Variants in FCHSD2 observed in about 807,000 individuals in gnomAD.
FCHSD2 encodes the protein FCH and double SH3 domains 2.
In FCHSD2, 38 loss-of-function variants were observed where a neutral mutation model predicts 108.1. That is an observed-to-expected ratio of 0.35 (90% CI 0.27 to 0.46). FCHSD2 has a LOEUF of 0.46. FCHSD2 is among the 20% of genes least tolerant of loss of function. The pLI is 1.00. For missense variants in FCHSD2, 751 were observed against 897.8 expected (o/e 0.84, Z 2.09); for synonymous variants, 279 against 314.7 (o/e 0.89, Z 1.20).
rs111960308 is a variant in FCHSD2, at chr11:73,129,726, C to A, written c.119+10305G>T. Among the ~76,000 whole-genome samples, 1,033 of 152,216 alleles carry A rather than the reference C, an allele frequency of 6.8e-3. 5 individuals carry two copies. The highest frequency in any genetic ancestry group is 0.014 in the South Asian group (67 of 4,818). ...TGCACTTGAATCATCCCAAAACCAT[C>A]CCCCTGACCCCACCCGCAGTCCATG... On this transcript the variant is annotated intron_variant, in intron 2 of 19. Coordinates refer to ENST00000409418, the MANE Select transcript of FCHSD2 (RefSeq NM_014824.3).
intron 3 of FCHSD2, among the ~76,000 whole-genome samples, chr11:73,025,992 TTATGTATGTATGTATGTATGTATG>T (rs200477185): frequency 1.3e-5 from 2 of 149,406 alleles, no homozygotes; most frequent in African/African-American, 2.5e-5. Context: ...GAGATTCATT[TTATGTATGTATGTATGTATGTATG>T]TATGTATGTA....
intron 13 of FCHSD2, among the ~76,000 whole-genome samples, chr11:72,859,538 T>G (rs957719224): frequency 6.6e-6 from 1 of 152,196 alleles, no homozygotes; most frequent in African/African-American, 2.4e-5. Flanking sequence ...AAATTAGCTT[T>G]ATGATAGATA....
At chr11:73,074,394 C>A (rs1859501074) in intron 3 of FCHSD2, among the ~76,000 whole-genome samples, 1 of 152,088 alleles carries the variant, frequency 6.6e-6, no homozygotes, top group Admixed American at 6.6e-5. Flanking sequence ...AAATATGCTT[C>A]AACTGAATAT....
intron 3 of FCHSD2, among the ~76,000 whole-genome samples, chr11:73,074,472 T>C (rs1375559435): frequency 3.3e-5 from 5 of 152,046 alleles, no homozygotes; most frequent in African/African-American, 9.7e-5. Context: ...AGAAAGACCA[T>C]AGAACTAAAT....
chr11:72,848,551 T>C (rs189678401), intron 14 of FCHSD2, among the ~76,000 whole-genome samples: 288 of 152,362 alleles, frequency 1.9e-3, no homozygotes, highest in Non-Finnish European at 2.7e-3. Context: ...TAACCCTTCA[T>C]AGATTGTCCA....
intron 3 of FCHSD2, among the ~76,000 whole-genome samples, chr11:73,067,262 A>G (rs932938430): frequency 3.3e-5 from 5 of 152,128 alleles, no homozygotes; most frequent in African/African-American, 7.2e-5. Context: ...GTTCTCACTC[A>G]TAAGTGGGAG....
chr11:73,078,876 C>T (rs1003075199), intron 3 of FCHSD2, among the ~76,000 whole-genome samples: 1 of 152,060 alleles, frequency 6.6e-6, no homozygotes, highest in Non-Finnish European at 1.5e-5. Context: ...CGTCACCTCG[C>T]CTGGCTAATT....
chr11:73,131,963 A>G (rs1861014196), intron 2 of FCHSD2, among the ~76,000 whole-genome samples: 1 of 152,150 alleles, frequency 6.6e-6, no homozygotes, highest in African/African-American at 2.4e-5. Context: ...ATTTTTTTGA[A>G]TCAGTCACTG....
At chr11:73,083,849 A>G in intron 2 of FCHSD2, 109 bp from the exon 3 acceptor site, 6 of 731,618 alleles carry the variant, frequency 8.2e-6, no homozygotes, top group Non-Finnish European at 1.4e-5. Flanking sequence ...GAGGGAAAGG[A>G]CAATATTTTA....
At chr11:72,862,866 A>C (rs560334038) in intron 13 of FCHSD2, among the ~76,000 whole-genome samples, 4 of 152,352 alleles carry the variant, frequency 2.6e-5, no homozygotes, top group Non-Finnish European at 5.9e-5. Context: ...TACCGGCATC[A>C]AGCTGGACAA....
chr11:73,042,878 G>C (rs1858674313), intron 3 of FCHSD2, among the ~76,000 whole-genome samples: 1 of 151,974 alleles, frequency 6.6e-6, no homozygotes, highest in African/African-American at 2.4e-5. Context: ...ATATAGAAAT[G>C]CTACTGATTT....
intron 8 of FCHSD2, among the ~76,000 whole-genome samples, chr11:72,970,938 G>A (rs951515368): frequency 2.0e-5 from 3 of 152,108 alleles, no homozygotes; most frequent in Non-Finnish European, 4.4e-5. Context: ...TGACAGCCTC[G>A]GGAAGGTCTG....
chr11:73,141,901 C>T lies in FCHSD2; in HGVS notation c.-24G>A. On this transcript the variant is annotated 5_prime_UTR_variant, in exon 1 of 20. Transcript: ENST00000409418. ...ATGATGCTGAAGGGACATCAATCCTCCCCGACGGCAGCGTTAGCAAGGACC... is the reference window on the plus strand; with the variant it reads ...ATGATGCTGAAGGGACATCAATCCTTCCCGACGGCAGCGTTAGCAAGGACC... The T allele has an allele frequency of 6.5e-7, 1 of 1,541,392 alleles. No homozygotes were observed. Among genetic ancestry groups the T allele is most frequent in the Non-Finnish European group, 8.7e-7 (1 of 1,144,846 alleles).
intron 13 of FCHSD2, among the ~76,000 whole-genome samples, chr11:72,854,564 C>G (rs567904713): frequency 6.6e-6 from 1 of 152,076 alleles, no homozygotes; most frequent in Non-Finnish European, 1.5e-5. Flanking sequence ...CCCGAGTAGC[C>G]GGGACTACAG....
At chr11:72,878,064 T>G (rs1213716597) in intron 12 of FCHSD2, among the ~76,000 whole-genome samples, 1 of 151,892 alleles carries the variant, frequency 6.6e-6, no homozygotes, top group Admixed American at 6.6e-5. Context: ...AACTTTTTGG[T>G]GTAAGGCAAA....
At chr11:72,920,954 C>T (rs1222358605) in intron 9 of FCHSD2, among the ~76,000 whole-genome samples, 2 of 152,072 alleles carry the variant, frequency 1.3e-5, no homozygotes, top group Admixed American at 6.5e-5. Flanking sequence ...AATATATATA[C>T]AAGAGGCATT....
chr11:72,881,907 C>T (rs1855096103), intron 12 of FCHSD2, among the ~76,000 whole-genome samples: 1 of 151,976 alleles, frequency 6.6e-6, no homozygotes, highest in South Asian at 2.1e-4. Context: ...TTTGGGAGGC[C>T]GAGGGGGGCG....
intron 12 of FCHSD2, among the ~76,000 whole-genome samples, chr11:72,877,542 T>C (rs1050510510): frequency 1.3e-5 from 2 of 152,224 alleles, no homozygotes; most frequent in Non-Finnish European, 2.9e-5. Flanking sequence ...AATAGTCTTA[T>C]ATAAGCTAGT....
chr11:73,009,905 G>A (rs916335316), intron 4 of FCHSD2, among the ~76,000 whole-genome samples: 3 of 152,104 alleles, frequency 2.0e-5, no homozygotes, highest in African/African-American at 7.2e-5. Flanking sequence ...TCATCTGCCT[G>A]GGGGGGTCTC....
Sources: allele counts gnomAD v4.1 joint callset (sites outside exome capture counted in the v4.1 genomes callset), GRCh38; gene constraint gnomAD v4.1.1; transcripts MANE v1.5; gene names NCBI Gene and HGNC (gene_info 2026-07-23, HGNC 2026-07-21).